Variants in DLG1 observed in about 807,000 individuals in gnomAD.
DLG1 encodes the protein disks large homolog 1.
A neutral mutation model predicts 123.4 loss-of-function variants in DLG1; 42 were observed. The ratio of observed to expected loss-of-function variants is 0.34; its 90% confidence interval spans 0.27 to 0.44. The LOEUF is 0.44. Among genes scored for constraint, DLG1 ranks in the 20% least tolerant of loss-of-function variants. The probability of loss-of-function intolerance (pLI) is 1.00; values close to 1 mark genes in which losing one functional copy is unlikely to be tolerated. For missense variants in DLG1, 942 were observed against 1,082.6 expected (o/e 0.87, Z 1.82); for synonymous variants, 317 against 356.2 (o/e 0.89, Z 1.24).
At chr3:197,058,629 GT>G (rs1199468734) in intron 23 of DLG1, among the ~76,000 whole-genome samples, 2 of 152,274 alleles carry the variant, frequency 1.3e-5, no homozygotes, top group East Asian at 3.9e-4. Flanking sequence ...CAAATGATCA[GT>G]TTTAGTAACT....
At chr3:197,184,743 G>A (rs927250659) in intron 5 of DLG1, among the ~76,000 whole-genome samples, 7 of 152,100 alleles carry the variant, frequency 4.6e-5, no homozygotes, top group African/African-American at 1.4e-4. Flanking sequence ...AAGAATTAAC[G>A]CTGGTAAATT....
rs144416255 is a variant in DLG1, at chr3:197,255,109, A to G, written c.318+27570T>C. On this transcript the variant is annotated intron_variant, in intron 4 of 24. Coordinates refer to ENST00000667157, the MANE Select transcript of DLG1 (RefSeq NM_001366207.1). ...GCAATGAGGTAATTTTAAATGCACTATATTCAATATGTAAGAATTTTTCAA... is the reference window on the plus strand; with the variant it reads ...GCAATGAGGTAATTTTAAATGCACTGTATTCAATATGTAAGAATTTTTCAA... Among the ~76,000 whole-genome samples the G allele has an allele frequency of 5.3e-3, 806 of 152,264 alleles. 3 individuals are homozygous for G. The highest frequency in any genetic ancestry group is 6.4e-3 in the South Asian group (31 of 4,822).
At chr3:197,131,592 T>TTC (rs1782565289) in intron 10 of DLG1, among the ~76,000 whole-genome samples, 1 of 123,218 alleles carries the variant, frequency 8.1e-6, no homozygotes, top group African/African-American at 3.3e-5. Context: ...TTCTTTTTTT[T>TTC]TTTTTTTTTT....
At chr3:197,105,485 T>C (rs767353060) in intron 13 of DLG1, among the ~76,000 whole-genome samples, 4 of 152,230 alleles carry the variant, frequency 2.6e-5, no homozygotes, top group Non-Finnish European at 2.9e-5. Context: ...TTTGGTATAA[T>C]AGGAAAGCTA....
intron 4 of DLG1, among the ~76,000 whole-genome samples, chr3:197,277,160 G>A (rs1197059796): frequency 2.0e-5 from 3 of 151,370 alleles, no homozygotes; most frequent in African/African-American, 7.3e-5. Flanking sequence ...CCAAAGTGCT[G>A]GAATTACAGG....
chr3:197,196,180 A>G (rs1292366801), intron 4 of DLG1, among the ~76,000 whole-genome samples: 1 of 150,644 alleles, frequency 6.6e-6, no homozygotes, highest in African/African-American at 2.4e-5. Flanking sequence ...CCAAAAAAAA[A>G]AAAAAAAAAA....
intron 12 of DLG1, 129 bp from the exon 13 acceptor site, chr3:197,116,212 T>C (rs559361435): frequency 1.4e-6 from 1 of 707,260 alleles, no homozygotes; most frequent in South Asian, 2.8e-5. Flanking sequence ...ATATAAATGG[T>C]TTTTCTAAAA....
At chr3:197,177,973 C>T (rs1400383790) in intron 5 of DLG1, among the ~76,000 whole-genome samples, 1 of 152,140 alleles carries the variant, frequency 6.6e-6, no homozygotes, top group Non-Finnish European at 1.5e-5. Flanking sequence ...GTCCCTGTCT[C>T]TTCACTCATT....
intron 3 of DLG1, among the ~76,000 whole-genome samples, chr3:197,289,617 T>A (rs1455227750): frequency 6.6e-6 from 1 of 152,202 alleles, no homozygotes; most frequent in East Asian, 1.9e-4. Flanking sequence ...AAAGCAAGTA[T>A]GATTATTCAG....
At chr3:197,198,344 C>T (rs1482978152) in intron 4 of DLG1, among the ~76,000 whole-genome samples, 3 of 151,684 alleles carry the variant, frequency 2.0e-5, no homozygotes, top group East Asian at 1.9e-4. Flanking sequence ...AAAAATTAGC[C>T]GGGTGTGGTG....
At position 197,298,610 on chromosome 3, in the gene DLG1, G is replaced by C. The variant is rs1177815359; in HGVS notation, c.-106C>G. On this transcript the variant is annotated 5_prime_UTR_variant, in exon 1 of 25. Transcript: ENST00000667157. ...AGAGACAGCGCCTGGCGACCCCGGG[G>C]GTAGATCCCCACCGGGGAAAAGCCG... 1.8e-5 allele frequency: 7 copies of C among 398,502 alleles called. No individual in the cohort carries two copies. The highest frequency in any genetic ancestry group is 3.1e-5 in the Non-Finnish European group (7 of 226,024). 24.7% of individuals were successfully genotyped at this position (398,502 alleles called of 1,614,324 possible). A position where few individuals can be genotyped will look rare whatever the true frequency, so the allele number is the denominator to read the frequency against.
At chr3:197,292,312 T>A (rs1199673481) in intron 3 of DLG1, among the ~76,000 whole-genome samples, 3 of 152,160 alleles carry the variant, frequency 2.0e-5, no homozygotes, top group Non-Finnish European at 4.4e-5. Flanking sequence ...TGTCAACAAC[T>A]ACAACATGAA....
At chr3:197,124,657 C>G (rs1289337667) in intron 11 of DLG1, among the ~76,000 whole-genome samples, 1 of 151,950 alleles carries the variant, frequency 6.6e-6, no homozygotes, top group East Asian at 1.9e-4. Flanking sequence ...TGCACTATAA[C>G]CCCCAAACTC....
intron 4 of DLG1, among the ~76,000 whole-genome samples, chr3:197,271,883 T>C (rs1764047882): frequency 6.6e-6 from 1 of 152,232 alleles, no homozygotes; most frequent in African/African-American, 2.4e-5. Context: ...AGCACAATCT[T>C]GTCTGTGAGA....
intron 10 of DLG1, among the ~76,000 whole-genome samples, chr3:197,133,232 T>C (rs193221586): frequency 1.8e-4 from 28 of 152,342 alleles, no homozygotes; most frequent in African/African-American, 6.3e-4. Context: ...TTGTCTTCTT[T>C]GGAAAGCTTA....
At chr3:197,122,131 ATATAT>A (rs1776750676) in intron 11 of DLG1, among the ~76,000 whole-genome samples, 1 of 152,192 alleles carries the variant, frequency 6.6e-6, no homozygotes, top group Admixed American at 6.5e-5. Context: ...GATATATAAT[ATATAT>A]TATAAGGATG....
intron 4 of DLG1, among the ~76,000 whole-genome samples, chr3:197,206,807 T>C (rs1243458137): frequency 6.8e-6 from 1 of 146,822 alleles, no homozygotes; most frequent in Non-Finnish European, 1.5e-5. Context: ...ATCCAGAAAA[T>C]CCAAGAGAAA....
chr3:197,293,162 G>C (rs1405958700), intron 3 of DLG1, among the ~76,000 whole-genome samples: 1 of 152,192 alleles, frequency 6.6e-6, no homozygotes. Flanking sequence ...AAATTAAGCA[G>C]ACTTTATCTT....
In DLG1 at chr3:197,085,844, TAATTA is replaced by T. The variant is rs201851332; in HGVS notation, c.1662-93_1662-89del. The T allele has an allele frequency of 2.8e-3, 3,463 of 1,231,892 alleles. 177 individuals carry two copies. The Admixed American group carries it at 0.078, about 28-fold the overall frequency. 76.3% of individuals were successfully genotyped at this position (1,231,892 alleles called of 1,614,324 possible). The stretch of plus-strand genomic sequence containing the variant: ...GTTCTGAAAGTATATGTAATTTGGG[TAATTA>T]AATATATCATAGTAGGCCAAATAAT... On this transcript the variant is annotated intron_variant, in intron 15 of 24. Transcript: ENST00000667157.
Sources: allele counts gnomAD v4.1 joint callset (sites outside exome capture counted in the v4.1 genomes callset), GRCh38; gene constraint gnomAD v4.1.1; transcripts MANE v1.5; gene names NCBI Gene and HGNC (gene_info 2026-07-23, HGNC 2026-07-21).